ASTN2: variants seen among roughly 807,000 people sequenced by gnomAD.
ASTN2 encodes astrotactin-2.
Under a neutral mutation model 139.8 loss-of-function variants are expected in ASTN2, and 54 were observed. That is an observed-to-expected ratio of 0.39 (90% CI 0.31 to 0.48). The LOEUF (loss-of-function observed/expected upper bound fraction) is 0.48, where lower values mean the gene tolerates loss of function less well. Among genes scored for constraint, ASTN2 ranks in the 20% least tolerant of loss-of-function variants. ASTN2 has a pLI of 0.95. For synonymous variants in ASTN2, 756 were observed against 719.5 expected, an observed-to-expected ratio of 1.05 and a Z score of -0.81; for missense variants, 1,565 against 1,725.1, an observed-to-expected ratio of 0.91 and a Z score of 1.64.
chr9:116,520,233 T>C lies in ASTN2; in HGVS notation c.3356-32733A>G, dbSNP rs148019734. Among the ~76,000 whole-genome samples, 955 of 152,136 alleles carry C rather than the reference T, an allele frequency of 6.3e-3. 13 individuals are homozygous for C. The highest frequency in any genetic ancestry group is 0.022 in the African/African-American group (896 of 41,546). ...TACAGACCAATATTCCTGATGAACA[T>C]AGATGCAAAAATTCTCAACAGAGTA... On this transcript the variant is annotated intron_variant, in intron 19 of 22. Transcript: ENST00000313400.
chr9:116,656,265 C>T (rs889882037), intron 16 of ASTN2, among the ~76,000 whole-genome samples: 3 of 152,068 alleles, frequency 2.0e-5, no homozygotes, highest in Non-Finnish European at 4.4e-5. Context: ...AACCTAAGAG[C>T]CAGAATTGGT....
intron 1 of ASTN2, among the ~76,000 whole-genome samples, chr9:117,294,589 G>T (rs1834681276): frequency 1.3e-5 from 2 of 152,208 alleles, no homozygotes; most frequent in Admixed American, 1.3e-4. Flanking sequence ...GGAGTTAAAT[G>T]AGACATAGCC....
At chr9:117,092,880 G>A (rs560287413) in intron 5 of ASTN2, among the ~76,000 whole-genome samples, 1 of 152,258 alleles carries the variant, frequency 6.6e-6, no homozygotes. Context: ...GCAGGCCTGG[G>A]GGTGTAGGGA....
chr9:117,275,457 C>A lies in ASTN2; in HGVS notation c.630+15869G>T, dbSNP rs1302902560. ...ATCGAGGCACCAGCAGGATTGGTTT[C>A]TGGTAAGGCTTCTGCTGGCTTAGAG... On this transcript the variant is annotated intron_variant, in intron 2 of 22. Transcript: ENST00000313400. 2.6e-5 allele frequency among the ~76,000 whole-genome samples: 4 copies of A among 152,064 alleles called. No individual in the cohort carries two copies. The East Asian group carries it at 7.7e-4, about 29-fold the overall frequency.
intron 13 of ASTN2, among the ~76,000 whole-genome samples, chr9:116,784,356 A>G (rs540434585): frequency 3.9e-5 from 6 of 152,376 alleles, no homozygotes; most frequent in Non-Finnish European, 8.8e-5. Flanking sequence ...TGGCAATTAA[A>G]GAAAAGACAG....
chr9:117,228,179 T>C (rs912402655), intron 2 of ASTN2, among the ~76,000 whole-genome samples: 5 of 151,772 alleles, frequency 3.3e-5, no homozygotes, highest in Non-Finnish European at 7.4e-5. Context: ...GAACTATATA[T>C]GTTATAGAGT....
At chr9:117,073,166 T>A (rs1219147410) in intron 5 of ASTN2, among the ~76,000 whole-genome samples, 2 of 149,676 alleles carry the variant, frequency 1.3e-5, no homozygotes, top group Non-Finnish European at 3.0e-5. Flanking sequence ...CGCTCTCCGA[T>A]GAAAATATCT....
intron 10 of ASTN2, among the ~76,000 whole-genome samples, chr9:116,871,207 G>A (rs980590808): frequency 6.6e-6 from 1 of 152,166 alleles, no homozygotes; most frequent in Non-Finnish European, 1.5e-5. Context: ...GCAGTGAGCC[G>A]AGATCGTGCC....
intron 16 of ASTN2, among the ~76,000 whole-genome samples, chr9:116,720,338 A>G (rs1378199694): frequency 6.6e-6 from 1 of 152,222 alleles, no homozygotes; most frequent in South Asian, 2.1e-4. Context: ...ACATTTCTAT[A>G]CCATGGACTC....
intron 13 of ASTN2, among the ~76,000 whole-genome samples, chr9:116,768,516 C>T (rs1188163408): frequency 2.0e-5 from 3 of 152,162 alleles, no homozygotes; most frequent in African/African-American, 4.8e-5. Context: ...AGCTCTTTTT[C>T]TACCTACATT....
intron 19 of ASTN2, among the ~76,000 whole-genome samples, chr9:116,565,215 AACACACACACACACACACACACACAC>A (rs59415099): frequency 1.5e-5 from 2 of 134,266 alleles, no homozygotes; most frequent in South Asian, 2.5e-4. Context: ...GCTTGCCACA[AACACACACACACACACACACACACAC>A]ACACACACAC....
At chr9:116,515,701 T>G (rs1296443665) in intron 19 of ASTN2, among the ~76,000 whole-genome samples, 1 of 152,224 alleles carries the variant, frequency 6.6e-6, no homozygotes, top group South Asian at 2.1e-4. Flanking sequence ...AAAGGCCACC[T>G]GACTCCTTGT....
chr9:116,679,610 T>C (rs1264069820), intron 16 of ASTN2, among the ~76,000 whole-genome samples: 1 of 152,140 alleles, frequency 6.6e-6, no homozygotes, highest in Non-Finnish European at 1.5e-5. Flanking sequence ...ATTCCAAAAT[T>C]GACCACATAG....
rs147567419 is a variant in ASTN2, at chr9:116,594,190, T to C, written c.3355+24134A>G. On this transcript the variant is annotated intron_variant, in intron 19 of 22. Coordinates refer to ENST00000313400, the MANE Select transcript of ASTN2 (RefSeq NM_001365068.1). Reference sequence around the variant, plus strand: ...TTAAGCCAGCAAGAGCCTCAATACATCAATAGTAATCTTGTGAACACATCC... The same window carrying C: ...TTAAGCCAGCAAGAGCCTCAATACACCAATAGTAATCTTGTGAACACATCC... Among the ~76,000 whole-genome samples, 699 of 152,290 alleles carry C rather than the reference T, an allele frequency of 4.6e-3. 5 individuals are homozygous for C. The highest frequency in any genetic ancestry group is 0.016 in the African/African-American group (665 of 41,560).
intron 5 of ASTN2, among the ~76,000 whole-genome samples, chr9:117,069,094 T>C (rs1327102812): frequency 1.1e-5 from 1 of 89,564 alleles, no homozygotes; most frequent in Non-Finnish European, 2.3e-5. Context: ...CTTTTAATTG[T>C]GATGTTAGGG....
chr9:116,775,396 AAAGG>A (rs1298677025), intron 13 of ASTN2, among the ~76,000 whole-genome samples: 1 of 151,122 alleles, frequency 6.6e-6, no homozygotes, highest in Admixed American at 6.6e-5. Context: ...TATCCACAAG[AAAGG>A]AAGGAAGGAA....
chr9:116,590,424 T>G (rs543882186), intron 19 of ASTN2, among the ~76,000 whole-genome samples: 2 of 152,356 alleles, frequency 1.3e-5, no homozygotes, highest in Admixed American at 1.3e-4. Context: ...CCCTGTTGCC[T>G]TGGCCCTCTC....
At chr9:117,193,596 C>G (rs1016471196) in intron 3 of ASTN2, among the ~76,000 whole-genome samples, 2 of 130,552 alleles carry the variant, frequency 1.5e-5, no homozygotes, top group Non-Finnish European at 3.1e-5. Flanking sequence ...CAAGATGGTG[C>G]TACTACACAC....
intron 10 of ASTN2, among the ~76,000 whole-genome samples, chr9:116,904,218 T>C (rs1834096926): frequency 6.6e-6 from 1 of 152,146 alleles, no homozygotes; most frequent in African/African-American, 2.4e-5. Context: ...ACGGTAGAAA[T>C]TGAGCAGCTC....
Sources: gnomAD v4.1 joint callset for allele counts (sites outside exome capture counted in the v4.1 genomes callset) on GRCh38, gnomAD v4.1.1 for gene constraint, MANE v1.5 for transcripts, NCBI Gene and HGNC (gene_info 2026-07-23, HGNC 2026-07-21) for gene names.